PCNX2: variants seen among roughly 807,000 people sequenced by gnomAD.
PCNX2 encodes pecanex-like protein 2.
Under a neutral mutation model 223.8 loss-of-function variants are expected in PCNX2, and 168 were observed. The ratio of observed to expected loss-of-function variants is 0.75; its 90% CI spans 0.66 to 0.85. The LOEUF (loss-of-function observed/expected upper bound fraction) is 0.85. Ranked by LOEUF, PCNX2 falls within the 40% of genes least tolerant of loss-of-function variation. The pLI, the probability that PCNX2 is intolerant of heterozygous loss-of-function variation, is 0.00. For synonymous variants in PCNX2, 1,006 were observed against 1,052.6 expected (o/e 0.96, Z 0.86); for missense variants, 2,507 against 2,675.5 (o/e 0.94, Z 1.39).
At chr1:233,058,810 C>A (rs1473730104) in intron 23 of PCNX2, among the ~76,000 whole-genome samples, 1 of 151,858 alleles carries the variant, frequency 6.6e-6, no homozygotes, top group Admixed American at 6.6e-5. Context: ...GGATTACAGA[C>A]ATGCGCCACA....
intron 25 of PCNX2, among the ~76,000 whole-genome samples, chr1:233,027,324 G>A (rs1204186745): frequency 6.6e-6 from 1 of 152,092 alleles, no homozygotes; most frequent in Non-Finnish European, 1.5e-5. Flanking sequence ...AATAACGGGA[G>A]GGGAAAAAGC....
At chr1:233,155,953 A>G (rs1025974445) in intron 19 of PCNX2, among the ~76,000 whole-genome samples, 4 of 152,310 alleles carry the variant, frequency 2.6e-5, no homozygotes, top group Admixed American at 2.0e-4. Context: ...CAGCATGATT[A>G]ACTTAGCTTG....
intron 17 of PCNX2, among the ~76,000 whole-genome samples, chr1:233,177,076 T>G (rs1433375718): frequency 6.6e-6 from 1 of 152,138 alleles, no homozygotes; most frequent in East Asian, 1.9e-4. Context: ...CTTCAAAGAC[T>G]TTCCTCCCCA....
At chr1:233,149,945 C>G (rs571685431) in intron 19 of PCNX2, among the ~76,000 whole-genome samples, 1 of 151,866 alleles carries the variant, frequency 6.6e-6, no homozygotes, top group Non-Finnish European at 1.5e-5. Context: ...TCAATTTACA[C>G]GTCACTTCCT....
chr1:232,987,327 G>C (rs772255817), intron 32 of PCNX2, among the ~76,000 whole-genome samples: 4 of 152,244 alleles, frequency 2.6e-5, no homozygotes, highest in Admixed American at 2.6e-4. Flanking sequence ...TCTTCTGTGC[G>C]TGATGGCCCT....
the PCNX2 span, among the ~76,000 whole-genome samples, chr1:233,318,563 C>CTTTTTCT: frequency 9.7e-5 from 9 of 92,520 alleles, no homozygotes; most frequent in Admixed American, 1.3e-4. Flanking sequence ...TTTTCTTTTT[C>CTTTTTCT]TTTTTTTTTT....
chr1:233,145,751 G>C (rs1029079246), intron 19 of PCNX2, among the ~76,000 whole-genome samples: 6 of 152,122 alleles, frequency 3.9e-5, no homozygotes, highest in Non-Finnish European at 7.4e-5. Context: ...CAGTAAAAAG[G>C]GGTAACTTTT....
rs141982437 is a variant in PCNX2, at chr1:233,040,147, T to G, written c.4351+14121A>C. 1.4e-4 allele frequency among the ~76,000 whole-genome samples: 22 copies of G among 152,336 alleles called. No homozygotes were observed. The East Asian group carries it at 3.9e-3, about 27-fold the overall frequency. On this transcript the variant is annotated intron_variant, in intron 25 of 33. Coordinates refer to ENST00000258229, the MANE Select transcript of PCNX2 (RefSeq NM_014801.4). The stretch of plus-strand genomic sequence containing the variant: ...TTCTCCTGCTTTTCAAAGACTTGTC[T>G]TATTAGATGACTCTTTTCTATTTCC...
intron 19 of PCNX2, among the ~76,000 whole-genome samples, chr1:233,144,301 C>A (rs1677300713): frequency 1.3e-5 from 2 of 152,158 alleles, no homozygotes; most frequent in Non-Finnish European, 2.9e-5. Flanking sequence ...CTCATTTTCT[C>A]AACAACCTTA....
intron 32 of PCNX2, among the ~76,000 whole-genome samples, chr1:232,986,840 C>G (rs1228495868): frequency 1.3e-5 from 2 of 152,208 alleles, no homozygotes; most frequent in African/African-American, 4.8e-5. Context: ...CCAGGACATT[C>G]CTGGTTCTAG....
intron 25 of PCNX2, among the ~76,000 whole-genome samples, chr1:233,045,236 C>G (rs563258433): frequency 4.3e-4 from 66 of 152,270 alleles, no homozygotes; most frequent in Non-Finnish European, 7.2e-4. Context: ...GCAGAATGTA[C>G]AAGGAAATGA....
intron 8 of PCNX2, among the ~76,000 whole-genome samples, chr1:233,238,076 T>C (rs943850242): frequency 3.9e-5 from 6 of 152,200 alleles, no homozygotes; most frequent in Non-Finnish European, 7.3e-5. Flanking sequence ...GGAAGGGAAC[T>C]AGTTTTTTGA....
At chr1:233,248,792 C>T (rs1344895914) in intron 8 of PCNX2, among the ~76,000 whole-genome samples, 1 of 152,162 alleles carries the variant, frequency 6.6e-6, no homozygotes, top group Non-Finnish European at 1.5e-5. Context: ...CCACACGCCT[C>T]ACAAGAAAGT....
At chr1:233,064,531 C>CAAGCG (rs1672519937) in intron 23 of PCNX2, among the ~76,000 whole-genome samples, 1 of 152,156 alleles carries the variant, frequency 6.6e-6, no homozygotes, top group Non-Finnish European at 1.5e-5. Context: ...CTTTCTGCTT[C>CAAGCG]TGTAGGACTA....
At chr1:233,227,451 T>TAC (rs1221503266) in intron 9 of PCNX2, 80 bp from the exon 10 acceptor site, 31 of 1,216,420 alleles carry the variant, frequency 2.5e-5, no homozygotes, top group East Asian at 4.9e-5. Flanking sequence ...TATATATGTA[T>TAC]ACACACACAC....
At chr1:233,019,702 G>A (rs1411183162) in intron 26 of PCNX2, among the ~76,000 whole-genome samples, 1 of 152,110 alleles carries the variant, frequency 6.6e-6, no homozygotes, top group East Asian at 1.9e-4. Flanking sequence ...AGAGGTTGAG[G>A]CAGAGGGGCG....
At chr1:233,047,695 A>G (rs1487293064) in intron 25 of PCNX2, among the ~76,000 whole-genome samples, 2 of 152,198 alleles carry the variant, frequency 1.3e-5, no homozygotes, top group African/African-American at 4.8e-5. Flanking sequence ...GAGCACCCAG[A>G]TTCATAAAAC....
chr1:233,114,584 C>T (rs1675299357), intron 21 of PCNX2, among the ~76,000 whole-genome samples: 1 of 152,044 alleles, frequency 6.6e-6, no homozygotes, highest in Non-Finnish European at 1.5e-5. Context: ...ATGTAAAAAG[C>T]TTGGAAGTTA....
the PCNX2 span, among the ~76,000 whole-genome samples, chr1:233,319,906 G>T: frequency 2.0e-5 from 3 of 152,060 alleles, 1 homozygote; most frequent in African/African-American, 7.2e-5. Context: ...TACATTTTTA[G>T]AAATAATTCA....
Sources: allele counts gnomAD v4.1 joint callset (sites outside exome capture counted in the v4.1 genomes callset), GRCh38; gene constraint gnomAD v4.1.1; transcripts MANE v1.5; gene names NCBI Gene and HGNC (gene_info 2026-07-23, HGNC 2026-07-21).